The following DNAH5 variants were observed in gnomAD, a reference collection of about 807,000 sequenced individuals.
DNAH5 encodes axonemal beta dynein heavy chain 5.
In DNAH5, 372 loss-of-function variants were observed where a neutral mutation model predicts 518.2. That is an observed-to-expected ratio of 0.72 (90% CI 0.66 to 0.78). The LOEUF is 0.78. Among genes scored for constraint, DNAH5 ranks in the 30% least tolerant of loss-of-function variants. The probability of loss-of-function intolerance (pLI) is 0.00; values close to 1 mark genes in which losing one functional copy is unlikely to be tolerated. For missense variants in DNAH5, 5,523 were observed against 5,687.0 expected, an observed-to-expected ratio of 0.97 and a Z score of 0.93; for synonymous variants, 2,039 against 2,025.9, an observed-to-expected ratio of 1.01 and a Z score of -0.17.
chr5:13,823,598 G>A (rs1196373027), intron 39 of DNAH5, among the ~76,000 whole-genome samples: 2 of 152,104 alleles, frequency 1.3e-5, no homozygotes, highest in Non-Finnish European at 2.9e-5. Flanking sequence ...ATGGAAGGAA[G>A]ACAATACTGT....
intron 58 of DNAH5, among the ~76,000 whole-genome samples, chr5:13,767,530 G>A (rs1752671920): frequency 1.3e-5 from 2 of 152,328 alleles, no homozygotes. Context: ...TATTTGAGGT[G>A]CACAGTTATA....
chr5:13,792,165 C>T lies in DNAH5; in HGVS notation c.8277G>A (p.Val2759=). ...GCACCAATTTTGTCACAGAATCTCTCACTTCTTCTGAGAAACCCCTCTGAG... is the reference window on the plus strand; with the variant it reads ...GCACCAATTTTGTCACAGAATCTCTTACTTCTTCTGAGAAACCCCTCTGAG... ...YCTQRGFSEE[V]RDSVTKLVPL... Residue 2759 remains valine (V), a synonymous_variant, in exon 50 of 79, where the codon GTG becomes GTA. Transcript: ENST00000265104. The T allele has an allele frequency of 6.2e-7, 1 of 1,614,020 alleles. No homozygotes were observed. The highest frequency in any genetic ancestry group is 1.7e-5 in the Admixed American group (1 of 59,998).
At chr5:13,857,163 G>A (rs535625739) in intron 30 of DNAH5, among the ~76,000 whole-genome samples, 1 of 152,290 alleles carries the variant, frequency 6.6e-6, no homozygotes, top group South Asian at 2.1e-4. Context: ...CTTCAGCAAA[G>A]TCTCAGGATA....
At chr5:14,010,018 A>G (rs889175012) in intron 1 of DNAH5, among the ~76,000 whole-genome samples, 8 of 152,224 alleles carry the variant, frequency 5.3e-5, no homozygotes, top group African/African-American at 1.9e-4. Flanking sequence ...AGCCAGAGAT[A>G]ATCAGTATCA....
chr5:13,848,302 C>T (rs144734676), intron 31 of DNAH5, among the ~76,000 whole-genome samples: 61 of 152,264 alleles, frequency 4.0e-4, no homozygotes, highest in African/African-American at 1.4e-3. Flanking sequence ...CTGACGTTGG[C>T]GTTGGCTATG....
intron 3 of DNAH5, among the ~76,000 whole-genome samples, chr5:13,924,876 T>C (rs1777699485): frequency 6.6e-6 from 1 of 152,180 alleles, no homozygotes; most frequent in South Asian, 2.1e-4. Context: ...TAGAATACAC[T>C]CTGAGCTGTT....
chr5:13,769,959 G>T (rs372789621), intron 56 of DNAH5, among the ~76,000 whole-genome samples: 12 of 152,234 alleles, frequency 7.9e-5, no homozygotes, highest in Non-Finnish European at 1.3e-4. Context: ...GCTCAGTCAT[G>T]CAGGAAGGAA....
intron 1 of DNAH5, among the ~76,000 whole-genome samples, chr5:13,978,739 A>G (rs965446748): frequency 3.9e-5 from 6 of 152,214 alleles, no homozygotes; most frequent in African/African-American, 1.4e-4. Flanking sequence ...GCCTAAGGAT[A>G]TGCAGGCTAT....
chr5:13,773,391 GAGA>G (rs1753618659), intron 55 of DNAH5, among the ~76,000 whole-genome samples: 1 of 152,084 alleles, frequency 6.6e-6, no homozygotes, highest in Non-Finnish European at 1.5e-5. Context: ...AAAAAAGATG[GAGA>G]AGAATATTCT....
At chr5:13,923,117 A>C (rs7445494) in intron 4 of DNAH5, among the ~76,000 whole-genome samples, 163 bp downstream of exon 4, 2,034 of 152,308 alleles carry the variant, frequency 0.013, 48 homozygotes, top group African/African-American at 0.046. Context: ...ATTTAAAGGG[A>C]ATGTCCTCTT....
At chr5:13,888,464 C>A (rs1051376397) in intron 17 of DNAH5, among the ~76,000 whole-genome samples, 1 of 152,190 alleles carries the variant, frequency 6.6e-6, no homozygotes, top group Non-Finnish European at 1.5e-5. Flanking sequence ...TGACCATGAA[C>A]ATAAAATCAC....
intron 1 of DNAH5, among the ~76,000 whole-genome samples, chr5:13,991,381 A>G (rs1052921214): frequency 2.6e-5 from 4 of 152,096 alleles, no homozygotes; most frequent in Non-Finnish European, 5.9e-5. Context: ...GAAAGAAGAT[A>G]TGGGCTGAAT....
rs975595148 is a variant in DNAH5, at chr5:13,907,252, G to A, written c.1644+4134C>T. ...TCGAGACCAGTCTGGCCAACATGCT[G>A]AAACCCCATCTGTACTAAAAATACA... On this transcript the variant is annotated intron_variant, in intron 12 of 78. Transcript: ENST00000265104. Among the ~76,000 whole-genome samples the A allele has an allele frequency of 2.4e-4, 36 of 152,142 alleles. 1 individual carries two copies. The highest frequency in any genetic ancestry group is 8.8e-5 in the Non-Finnish European group (6 of 68,024).
At chr5:13,866,655 T>A (rs777012861) in intron 25 of DNAH5, among the ~76,000 whole-genome samples, 1 of 152,180 alleles carries the variant, frequency 6.6e-6, no homozygotes, top group Non-Finnish European at 1.5e-5. Context: ...AATACCCACT[T>A]GTAAAGTGGC....
At chr5:13,891,818 T>C (rs1773262966) in intron 16 of DNAH5, among the ~76,000 whole-genome samples, 1 of 152,208 alleles carries the variant, frequency 6.6e-6, no homozygotes, top group South Asian at 2.1e-4. Flanking sequence ...TGAAGTAATA[T>C]TGAATGCTAA....
intron 42 of DNAH5, 130 bp downstream of exon 42, chr5:13,817,418 T>C (rs906218563): frequency 1.2e-6 from 1 of 867,778 alleles, no homozygotes; most frequent in African/African-American, 1.7e-5. Context: ...AATATCACAC[T>C]GATTTATGAC....
At chr5:13,813,080 A>T (rs1760927952) in intron 43 of DNAH5, among the ~76,000 whole-genome samples, 1 of 152,150 alleles carries the variant, frequency 6.6e-6, no homozygotes, top group Non-Finnish European at 1.5e-5. Flanking sequence ...GCCCTCTAAT[A>T]ACTCTCAGAG....
chr5:13,919,150 C>T, intron 7 of DNAH5, 26 bp downstream of exon 7: 1 of 1,613,816 alleles, frequency 6.2e-7, no homozygotes, highest in South Asian at 1.1e-5. Flanking sequence ...TCCCATTTCA[C>T]AAGGCAAAAT....
chr5:13,692,035 G>C lies in DNAH5; in HGVS notation c.13824C>G (p.Thr4608=). ...IAAVDLRTAQ[T]PEHWVLRGVA... is the part of the protein sequence containing the mutation. ...CCCCACGGAGCACCCAGTGTTCAGG[G>C]GTCTGGGCTGTCCTGAGATCCACAG... The change falls in exon 79 of 79, where the codon ACC becomes ACG. Residue 4608 remains threonine (T), a synonymous_variant. Transcript: ENST00000265104. 1.2e-6 allele frequency: 2 copies of C among 1,614,080 alleles called. No homozygotes were observed. The highest frequency in any genetic ancestry group is 8.5e-7 in the Non-Finnish European group (1 of 1,179,998).
Sources: allele counts gnomAD v4.1 joint callset (sites outside exome capture counted in the v4.1 genomes callset), GRCh38; gene constraint gnomAD v4.1.1; transcripts MANE v1.5; gene names NCBI Gene and HGNC (gene_info 2026-07-23, HGNC 2026-07-21).